Variants in AJAP1 observed in about 807,000 individuals in gnomAD.
AJAP1 encodes the protein adherens junctions associated protein 1, also known as adherens junction-associated protein 1.
AJAP1 carries 5 observed loss-of-function variants against 35.0 expected under a neutral mutation model. The observed-to-expected ratio is 0.14, with a 90% CI of 0.07 to 0.30. AJAP1 has a LOEUF of 0.30. AJAP1 is among the 10% of genes least tolerant of loss of function. The pLI, the probability that AJAP1 is intolerant of heterozygous loss-of-function variation, is 1.00. For synonymous variants in AJAP1, 284 were observed against 249.3 expected, an observed-to-expected ratio of 1.14 and a Z score of -1.31; for missense variants, 586 against 571.0, an observed-to-expected ratio of 1.03 and a Z score of -0.27.
intron 2 of AJAP1, among the ~76,000 whole-genome samples, chr1:4,739,202 C>T (rs1433621110): frequency 6.6e-6 from 1 of 152,212 alleles, no homozygotes; most frequent in African/African-American, 2.4e-5. Flanking sequence ...CCACAGTAAA[C>T]TGCAGGCGGG....
At chr1:4,777,296 T>A (rs530607370) in intron 5 of AJAP1, 1 of 152,352 alleles carries the variant, frequency 6.6e-6, no homozygotes, top group African/African-American at 2.4e-5. Context: ...CAAATGCATT[T>A]TTAATGACGA....
chr1:4,685,377 C>T (rs1435024903), intron 1 of AJAP1, among the ~76,000 whole-genome samples: 1 of 152,220 alleles, frequency 6.6e-6, no homozygotes, highest in Non-Finnish European at 1.5e-5. Context: ...CTGAGCACAG[C>T]CTCCCTTTGA....
At chr1:4,699,318 G>A (rs533317270) in intron 1 of AJAP1, among the ~76,000 whole-genome samples, 18 of 152,334 alleles carry the variant, frequency 1.2e-4, no homozygotes, top group African/African-American at 3.8e-4. Context: ...GAACAGCCAC[G>A]TACTTGTTTC....
At chr1:4,704,157 G>C (rs1570132409) in intron 1 of AJAP1, among the ~76,000 whole-genome samples, 1 of 145,294 alleles carries the variant, frequency 6.9e-6, no homozygotes, top group East Asian at 2.0e-4. Flanking sequence ...AAACGGGGAA[G>C]TTTTTTTTTT....
At chr1:4,767,655 T>C (rs12760822) in intron 2 of AJAP1, among the ~76,000 whole-genome samples, 2 of 151,582 alleles carry the variant, frequency 1.3e-5, no homozygotes, top group Admixed American at 1.3e-4. Flanking sequence ...ATCACCACCA[T>C]CATCATCACT....
At chr1:4,680,527 T>G (rs116164993) in intron 1 of AJAP1, among the ~76,000 whole-genome samples, 1,729 of 152,294 alleles carry the variant, frequency 0.011, 41 homozygotes, top group African/African-American at 0.04. Context: ...CAGCCGGCTT[T>G]CTTTCTTTTC....
At chr1:4,780,263 G>C (rs541481211) in intron 5 of AJAP1, among the ~76,000 whole-genome samples, 1 of 151,330 alleles carries the variant, frequency 6.6e-6, no homozygotes, top group Non-Finnish European at 1.5e-5. Context: ...CCGTCACCCC[G>C]TATTAAAACT....
At position 4,724,017 on chromosome 1, in the gene AJAP1, C is replaced by T. The variant is rs554829846; in HGVS notation, c.829+11318C>T. 2.0e-4 allele frequency among the ~76,000 whole-genome samples: 30 copies of T among 152,258 alleles called. No individual in the cohort carries two copies. The East Asian group carries it at 4.1e-3, about 21-fold the overall frequency. On this transcript the variant is annotated intron_variant, in intron 2 of 5. Transcript: ENST00000378191. ...GGTTTCCGAATTCTGTGTTTCTCCCCGAGGGCTGACCTTTTTCCTCTTTTC... is the reference window on the plus strand; with the variant it reads ...GGTTTCCGAATTCTGTGTTTCTCCCTGAGGGCTGACCTTTTTCCTCTTTTC...
At chr1:4,664,871 C>T (rs373196535) in intron 1 of AJAP1, among the ~76,000 whole-genome samples, 5 of 152,184 alleles carry the variant, frequency 3.3e-5, no homozygotes, top group Non-Finnish European at 4.4e-5. Context: ...CGGATGGTGC[C>T]GGTAGACTTC....
rs527365550 is a variant in AJAP1, at chr1:4,783,203, CAT to C, written c.*721_*722del. On this transcript the variant is annotated 3_prime_UTR_variant, in exon 6 of 6. Coordinates refer to ENST00000378191, the MANE Select transcript of AJAP1 (RefSeq NM_018836.4). ...CTACTTTGGCAACTCACGTCACACA[CAT>C]ATTACACACATGTGCGCATTACACA... 6.5e-4 allele frequency: 104 copies of C among 159,454 alleles called. 3 individuals are homozygous for C. The South Asian group carries it at 0.022, about 34-fold the overall frequency. 9.9% of individuals were successfully genotyped at this position (159,454 alleles called of 1,614,324 possible). A position where few individuals can be genotyped will look rare whatever the true frequency, so the allele number is the denominator to read the frequency against.
At chr1:4,744,759 A>C (rs957014243) in intron 2 of AJAP1, among the ~76,000 whole-genome samples, 2 of 152,136 alleles carry the variant, frequency 1.3e-5, no homozygotes, top group African/African-American at 4.8e-5. Context: ...ACACAGGCCC[A>C]CGCTTGCATG....
At chr1:4,711,623 G>A (rs1275518017) in intron 1 of AJAP1, among the ~76,000 whole-genome samples, 4 of 152,186 alleles carry the variant, frequency 2.6e-5, no homozygotes, top group Non-Finnish European at 5.9e-5. Context: ...TGGACTATTC[G>A]GCGACCGGCC....
At chr1:4,751,264 G>A (rs192379788) in intron 2 of AJAP1, among the ~76,000 whole-genome samples, 19 of 152,272 alleles carry the variant, frequency 1.2e-4, no homozygotes, top group African/African-American at 2.6e-4. Flanking sequence ...GGACACCTTC[G>A]TCCAGCACAG....
In AJAP1 at chr1:4,720,822, G is replaced by A. The variant is rs1480760041; in HGVS notation, c.829+8123G>A. On this transcript the variant is annotated intron_variant, in intron 2 of 5. Coordinates refer to ENST00000378191, the MANE Select transcript of AJAP1 (RefSeq NM_018836.4). The surrounding 1 kb of genome is among the most constrained non-coding windows in gnomAD (Gnocchi z 4.4). ...GTTAGGTTGTGTGGCTGCATGCTCG[G>A]TGCTATTCTGTCCATATCATGATCT... is the stretch of plus-strand genomic sequence containing the variant. Among the ~76,000 whole-genome samples, 1 of 152,158 alleles carries A rather than the reference G, an allele frequency of 6.6e-6. No homozygotes were observed. Among genetic ancestry groups the A allele is most frequent in the African/African-American group, 2.4e-5 (1 of 41,424 alleles).
At chr1:4,679,762 C>T (rs999452108) in intron 1 of AJAP1, among the ~76,000 whole-genome samples, 2 of 151,244 alleles carry the variant, frequency 1.3e-5, no homozygotes, top group Non-Finnish European at 2.9e-5. Flanking sequence ...CTTATAAAGA[C>T]ATCAGTTGTA....
At chr1:4,755,583 T>G (rs1467976108) in intron 2 of AJAP1, among the ~76,000 whole-genome samples, 2 of 150,632 alleles carry the variant, frequency 1.3e-5, no homozygotes, top group Admixed American at 6.6e-5. Context: ...GTACCGGGGG[T>G]TTGACTCAGA....
intron 4 of AJAP1, among the ~76,000 whole-genome samples, chr1:4,774,129 C>CA (rs1641895133): frequency 6.6e-6 from 1 of 152,214 alleles, no homozygotes; most frequent in Admixed American, 6.5e-5. Context: ...CCTGCAAATT[C>CA]AAAAACGAAA....
At position 4,692,365 on chromosome 1, in the gene AJAP1, G is replaced by A. The variant is rs1639761241; in HGVS notation, c.30-19535G>A. On this transcript the variant is annotated intron_variant, in intron 1 of 5. Transcript: ENST00000378191. This position sits in a 1 kb window ranked among gnomAD's most constrained non-coding sequence, Gnocchi z 4.4. The stretch of plus-strand genomic sequence containing the variant: ...CAGCCCTTTCCCTTCTGGCCTCTCA[G>A]CCTGCAGGAGAGGCTGGGGGGCACG... Among the ~76,000 whole-genome samples, 1 of 152,120 alleles carries A rather than the reference G, an allele frequency of 6.6e-6. No individual in the cohort carries two copies. The highest frequency in any genetic ancestry group is 2.4e-5 in the African/African-American group (1 of 41,424).
chr1:4,655,711 G>T lies in AJAP1; in HGVS notation c.29+257G>T, dbSNP rs1203468055. Among the ~76,000 whole-genome samples, 7 of 150,912 alleles carry T rather than the reference G, an allele frequency of 4.6e-5. No homozygotes were observed. In the East Asian group the frequency reaches 1.2e-3, roughly 26 times the overall value. On this transcript the variant is annotated intron_variant, in intron 1 of 5. Coordinates refer to ENST00000378191, the MANE Select transcript of AJAP1 (RefSeq NM_018836.4). The surrounding 1 kb of genome is among the most constrained non-coding windows in gnomAD (Gnocchi z 6.9). ...AGCGGCGCCCGCCCCAGCAACCCGG[G>T]AAGTGGGGCCGGCCAGGCGCGCCCG...
Sources: gnomAD v4.1 joint callset for allele counts (sites outside exome capture counted in the v4.1 genomes callset) on GRCh38, gnomAD v4.1.1 for gene constraint, Gnocchi (gnomAD v3.1) non-coding constraint, MANE v1.5 for transcripts, NCBI Gene and HGNC (gene_info 2026-07-23, HGNC 2026-07-21) for gene names.